SPRYD7: variants seen among roughly 807,000 people sequenced by gnomAD.
SPRYD7 encodes SPRY domain-containing protein 7.
Under a neutral mutation model 23.8 loss-of-function variants are expected in SPRYD7, and 14 were observed. That is an observed-to-expected ratio of 0.59 (90% CI 0.39 to 0.92). The LOEUF is 0.92. SPRYD7 is among the 40% of genes least tolerant of loss of function. The pLI, the probability that SPRYD7 is intolerant of heterozygous loss-of-function variation, is 0.00. For synonymous variants in SPRYD7, 75 were observed against 84.9 expected (o/e 0.88, Z 0.64); for missense variants, 194 against 241.7 (o/e 0.80, Z 1.31).
intron 1 of SPRYD7, among the ~76,000 whole-genome samples, chr13:49,931,389 T>C (rs41315024): frequency 4.6e-4 from 70 of 152,134 alleles, no homozygotes; most frequent in Non-Finnish European, 8.8e-4. Context: ...ACCATATTGG[T>C]CAGGCTGGTC....
chr13:49,935,242 C>T (rs578024318), intron 1 of SPRYD7, among the ~76,000 whole-genome samples: 1 of 151,980 alleles, frequency 6.6e-6, no homozygotes, highest in South Asian at 2.1e-4. Context: ...CAATCAGAAA[C>T]GTGTAAAAAA....
intron 2 of SPRYD7, among the ~76,000 whole-genome samples, 193 bp from the exon 3 acceptor site, chr13:49,928,278 C>CA (rs1481465627): frequency 1.3e-5 from 2 of 152,086 alleles, no homozygotes; most frequent in Non-Finnish European, 2.9e-5. Flanking sequence ...CCCGTCTCTA[C>CA]AAAAAATACA....
At position 49,931,011 on chromosome 13, in the gene SPRYD7, T is replaced by A. The variant is rs771688660; in HGVS notation, c.223+7A>T. 6.3e-7 allele frequency: 1 copy of A among 1,581,000 alleles called. No individual in the cohort carries two copies. Among genetic ancestry groups the A allele is most frequent in the African/African-American group, 1.4e-5 (1 of 73,900 alleles). The stretch of plus-strand genomic sequence containing the variant: ...GACTTTTAATAGTAAAGTACCATTA[T>A]ACCAACCTGTGGACTGGATTTTGAA... On this transcript the variant is annotated splice_region_variant and intron_variant, in intron 2 of 4. Coordinates refer to ENST00000361840, the MANE Select transcript of SPRYD7 (RefSeq NM_020456.4).
Position 49,936,322 on chromosome 13 carries a change from G to A in SPRYD7, c.-87C>T. ...TCAGCTCCGTCTCCTGCCCCCGCCC[G>A]AGGTCCGGACTTGTCTATGTGGAGC... On this transcript the variant is annotated 5_prime_UTR_variant, in exon 1 of 5. Coordinates refer to ENST00000361840, the MANE Select transcript of SPRYD7 (RefSeq NM_020456.4). The A allele has an allele frequency of 1.0e-6, 1 of 969,904 alleles. No homozygotes were observed. The highest frequency in any genetic ancestry group is 1.6e-5 in the South Asian group (1 of 61,680). 60.1% of individuals were successfully genotyped at this position (969,904 alleles called of 1,614,324 possible).
At chr13:49,919,499 G>A (rs550367481) in intron 4 of SPRYD7, among the ~76,000 whole-genome samples, 15 of 151,520 alleles carry the variant, frequency 9.9e-5, no homozygotes, top group Admixed American at 4.6e-4. Flanking sequence ...AGCCAAGATC[G>A]TGCCACTGCA....
At chr13:49,915,548 TAA>T (rs1171794050) in intron 4 of SPRYD7, among the ~76,000 whole-genome samples, 2 of 152,198 alleles carry the variant, frequency 1.3e-5, no homozygotes, top group Non-Finnish European at 2.9e-5. Context: ...GCAAAAATGT[TAA>T]GAGTCCAGTG....
At chr13:49,930,332 A>C (rs1046780118) in intron 2 of SPRYD7, among the ~76,000 whole-genome samples, 10 of 152,040 alleles carry the variant, frequency 6.6e-5, no homozygotes, top group Non-Finnish European at 1.2e-4. Context: ...CTGTAATCCC[A>C]ACACTTTGGG....
Position 49,912,833 on chromosome 13 carries a change from G to A in SPRYD7, c.*2230C>T, listed in dbSNP as rs1190073800. 6.6e-6 allele frequency: 1 copy of A among 152,054 alleles called. No individual in the cohort carries two copies. Among genetic ancestry groups the A allele is most frequent in the Non-Finnish European group, 1.5e-5 (1 of 68,024 alleles). The allele number at this position is 152,054 out of a possible 1,614,324, so 9.4% of individuals were successfully genotyped here. On this transcript the variant is annotated 3_prime_UTR_variant, in exon 5 of 5. Coordinates refer to ENST00000361840, the MANE Select transcript of SPRYD7 (RefSeq NM_020456.4). ...AGTTAAATTTCATATACCTTCAGAG[G>A]TAGAATTTGGGATTTATGTAAATAA...
intron 3 of SPRYD7, among the ~76,000 whole-genome samples, chr13:49,922,593 A>ATG (rs1174633122): frequency 6.6e-6 from 1 of 152,102 alleles, no homozygotes; most frequent in East Asian, 1.9e-4. Context: ...ACCTCTCTCT[A>ATG]AATCACCATG....
intron 2 of SPRYD7, among the ~76,000 whole-genome samples, chr13:49,928,578 G>C (rs1045988258): frequency 4.6e-5 from 7 of 152,170 alleles, no homozygotes; most frequent in Non-Finnish European, 7.3e-5. Context: ...ACATCATCTT[G>C]CGCAAATTAC....
At chr13:49,919,214 C>T (rs541586790) in intron 4 of SPRYD7, among the ~76,000 whole-genome samples, 2 of 151,352 alleles carry the variant, frequency 1.3e-5, no homozygotes, top group South Asian at 4.2e-4. Flanking sequence ...CTCAGGAGTT[C>T]GAGATCAGCC....
In SPRYD7 at chr13:49,936,243, G is replaced by T; in HGVS notation, c.-8C>A. On this transcript the variant is annotated 5_prime_UTR_variant, in exon 1 of 5. Coordinates refer to ENST00000361840, the MANE Select transcript of SPRYD7 (RefSeq NM_020456.4). ...CAACACCGAGGTGGCCATCGCGCAG[G>T]GACCACCGACTCCGCCGCCGTCCCT... 1 of 1,595,412 alleles carries T rather than the reference G, an allele frequency of 6.3e-7. No individual in the cohort carries two copies. The highest frequency in any genetic ancestry group is 8.5e-7 in the Non-Finnish European group (1 of 1,173,462).
At chr13:49,924,377 G>A (rs1055899728) in intron 3 of SPRYD7, among the ~76,000 whole-genome samples, 1 of 152,172 alleles carries the variant, frequency 6.6e-6, no homozygotes, top group Non-Finnish European at 1.5e-5. Context: ...CCAGGCTGAA[G>A]CAGTTCTCCC....
At chr13:49,926,275 A>C (rs1324327426) in intron 3 of SPRYD7, among the ~76,000 whole-genome samples, 1 of 152,258 alleles carries the variant, frequency 6.6e-6, no homozygotes, top group Non-Finnish European at 1.5e-5. Context: ...ACAATGAATG[A>C]AATGAGATAG....
chr13:49,926,581 C>T (rs1227026059), intron 3 of SPRYD7, among the ~76,000 whole-genome samples: 1 of 152,002 alleles, frequency 6.6e-6, no homozygotes, highest in Admixed American at 6.6e-5. Flanking sequence ...AAAAAAACTT[C>T]CAACAATTAA....
chr13:49,918,156 C>T (rs1002685749), intron 4 of SPRYD7, among the ~76,000 whole-genome samples: 1 of 152,084 alleles, frequency 6.6e-6, no homozygotes, highest in Non-Finnish European at 1.5e-5. Flanking sequence ...TTGACCTCCC[C>T]GGCTCAAGAG....
intron 3 of SPRYD7, among the ~76,000 whole-genome samples, chr13:49,927,388 C>T (rs1200828383): frequency 4.0e-5 from 6 of 151,380 alleles, no homozygotes; most frequent in South Asian, 4.2e-4. Context: ...CCTAGCTACT[C>T]GGGAGGCTGA....
At position 49,928,010 on chromosome 13, in the gene SPRYD7, A is replaced by C. The variant is rs761883232; in HGVS notation, c.299T>G (p.Leu100Arg). The C allele has an allele frequency of 6.2e-7, 1 of 1,614,216 alleles. No individual in the cohort carries two copies. Among genetic ancestry groups the C allele is most frequent in the Non-Finnish European group, 8.5e-7 (1 of 1,180,030 alleles). The change falls in exon 3 of 5, where the codon CTG becomes CGG. Residue 100 changes from leucine (L) to arginine (R), a missense_variant. Physicochemically the swap from Leu to Arg is moderately radical, Grantham distance 102 (BLOSUM62 -2). Transcript: ENST00000361840. ...AAGGGCTCCATCATTTCTCATCACC[A>C]GACTGTGCATATCTCGGCCAAGAGG... ...QIPLGRDMHS[L>R]VMRNDGALYH...
At chr13:49,931,374 G>C (rs962020061) in intron 1 of SPRYD7, among the ~76,000 whole-genome samples, 3 of 152,040 alleles carry the variant, frequency 2.0e-5, no homozygotes, top group African/African-American at 7.2e-5. Flanking sequence ...AGAGATGGGG[G>C]TTTCACCATA....
Sources: gnomAD v4.1 joint callset for allele counts (sites outside exome capture counted in the v4.1 genomes callset) on GRCh38, gnomAD v4.1.1 for gene constraint, MANE v1.5 for transcripts, NCBI Gene and HGNC (gene_info 2026-07-23, HGNC 2026-07-21) for gene names.